SLC12A3: variants seen among roughly 807,000 people sequenced by gnomAD.
The protein encoded by SLC12A3 is Na-Cl cotransporter.
A neutral mutation model predicts 121.0 loss-of-function variants in SLC12A3; 104 were observed. The ratio of observed to expected loss-of-function variants is 0.86; its 90% CI spans 0.73 to 1.01. The LOEUF (loss-of-function observed/expected upper bound fraction) is 1.01. Ranked by LOEUF, SLC12A3 falls within the 50% of genes least tolerant of loss-of-function variation. SLC12A3 has a pLI of 0.00. For synonymous variants in SLC12A3, 536 were observed against 533.4 expected, an observed-to-expected ratio of 1.00 and a Z score of -0.07; for missense variants, 1,328 against 1,356.3, an observed-to-expected ratio of 0.98 and a Z score of 0.33.
At chr16:56,889,610 A>G (rs1410664628) in intron 18 of SLC12A3, among the ~76,000 whole-genome samples, 1 of 152,142 alleles carries the variant, frequency 6.6e-6, no homozygotes, top group Non-Finnish European at 1.5e-5. Flanking sequence ...AGTAGCTGTG[A>G]TTACAGGTGC....
chr16:56,886,033 T>C (rs1396738698), intron 15 of SLC12A3, among the ~76,000 whole-genome samples: 1 of 152,286 alleles, frequency 6.6e-6, no homozygotes, highest in East Asian at 1.9e-4. Context: ...CCCGGGTAAC[T>C]GATGAGTTTG....
chr16:56,890,122 T>C, intron 18 of SLC12A3, 152 bp from the exon 19 acceptor site: 1 of 702,632 alleles, frequency 1.4e-6, no homozygotes, highest in Non-Finnish European at 2.6e-6. Context: ...ATTCTGCCTG[T>C]ACAGGATACA....
chr16:56,879,600 C>T lies in SLC12A3; in HGVS notation c.1394C>T (p.Thr465Ile), dbSNP rs745526549. Reference sequence around the variant, plus strand: ...ATCACGGCTGGCATCTTCGGGGCCACCCTCTCCTCTGCCCTGGCCTGCCTT... The same window carrying T: ...ATCACGGCTGGCATCTTCGGGGCCATCCTCTCCTCTGCCCTGGCCTGCCTT... Reference protein sequence around the residue: ...PLITAGIFGATLSSALACLVS... With the variant: ...PLITAGIFGAILSSALACLVS... The change falls in exon 11 of 26, where the codon ACC becomes ATC. Residue 465 changes from threonine (T) to isoleucine (I), a missense_variant. By Grantham distance (89) the Thr-to-Ile change is moderately conservative. Coordinates refer to ENST00000563236, the MANE Select transcript of SLC12A3 (RefSeq NM_001126108.2). 1 of 1,613,666 alleles carries T rather than the reference C, an allele frequency of 6.2e-7. No individual in the cohort carries two copies. Among genetic ancestry groups the T allele is most frequent in the Non-Finnish European group, 8.5e-7 (1 of 1,180,004 alleles).
intron 23 of SLC12A3, among the ~76,000 whole-genome samples, chr16:56,899,891 C>A (rs1429734044): frequency 6.6e-6 from 1 of 152,222 alleles, no homozygotes; most frequent in East Asian, 1.9e-4. Context: ...GTGACCTGGG[C>A]AACAACTTCC....
In SLC12A3 at chr16:56,865,432, C is replaced by T. The variant is rs1471113776; in HGVS notation, c.197C>T (p.Thr66Ile). 2.0e-5 allele frequency: 32 copies of T among 1,614,092 alleles called. No individual in the cohort carries two copies. Among genetic ancestry groups the T allele is most frequent in the Non-Finnish European group, 2.7e-5 (32 of 1,180,052 alleles). The change falls in exon 1 of 26, where the codon ACA becomes ATA. Residue 66 changes from threonine to isoleucine, a missense_variant. Thr to Ile is a moderately conservative substitution (Grantham distance 89). Coordinates refer to ENST00000563236, the MANE Select transcript of SLC12A3 (RefSeq NM_001126108.2). The stretch of plus-strand genomic sequence containing the variant: ...TACAACACGATCGATGTGGTGCCCA[C>T]ATATGAGCACTATGCCAACAGCACC... The part of the protein sequence containing the change: ...FGYNTIDVVP[T>I]YEHYANSTQP...
chr16:56,886,913 G>A (rs746111611), intron 16 of SLC12A3, 40 bp from the exon 17 acceptor site: 3 of 1,612,480 alleles, frequency 1.9e-6, no homozygotes, highest in Non-Finnish European at 2.5e-6. Flanking sequence ...GCTGGAGGGT[G>A]AAGGCAGCTG....
rs368588061 is a variant in SLC12A3, at chr16:56,875,048, C to T, written c.1095+2262C>T. On this transcript the variant is annotated intron_variant, in intron 8 of 25. Coordinates refer to ENST00000563236, the MANE Select transcript of SLC12A3 (RefSeq NM_001126108.2). ...TGGATTCCATGCAGTCTCATTAGAT[C>T]GTTGCCTGGGAATTTATCTCGATGC... 2.8e-4 allele frequency among the ~76,000 whole-genome samples: 43 copies of T among 152,268 alleles called. 2 individuals are homozygous for T. Among genetic ancestry groups the T allele is most frequent in the East Asian group, 2.1e-3 (11 of 5,184 alleles).
In SLC12A3 at chr16:56,908,283, C is replaced by G. The variant is rs143785417; in HGVS notation, c.2924+3821C>G. Reference sequence around the variant, plus strand: ...TCAAGTGATTCTCCTGCCTCAGCCTCCTGAATATCACCACCTCGCCCGGCT... The same window carrying G: ...TCAAGTGATTCTCCTGCCTCAGCCTGCTGAATATCACCACCTCGCCCGGCT... On this transcript the variant is annotated intron_variant, in intron 25 of 25. Transcript: ENST00000563236. 8.6e-5 allele frequency among the ~76,000 whole-genome samples: 13 copies of G among 150,738 alleles called. No individual in the cohort carries two copies. In the East Asian group the frequency reaches 2.5e-3, roughly 29 times the overall value.
At chr16:56,887,828 C>A (rs2055338721) in intron 17 of SLC12A3, 97 bp from the exon 18 acceptor site, 1 of 335,070 alleles carries the variant, frequency 3.0e-6, no homozygotes, top group East Asian at 4.6e-5. Flanking sequence ...TGAGAATCAG[C>A]ACATCTGGAG....
intron 14 of SLC12A3, 29 bp from the exon 15 acceptor site, chr16:56,885,236 T>A (rs1377580190): frequency 7.6e-7 from 1 of 1,310,378 alleles, no homozygotes; most frequent in Non-Finnish European, 1.1e-6. Context: ...AACTCTGCTC[T>A]CACCCCCGTT....
chr16:56,865,291 G>A lies in SLC12A3; in HGVS notation c.56G>A (p.Arg19His), dbSNP rs776593495. ...TPGDATLCSGRFTISTLLSSD... is the reference protein window; with the variant it reads ...TPGDATLCSGHFTISTLLSSD... ...GGGGACGCCACTTTGTGCAGCGGGC[G>A]CTTCACCATCAGCACACTGCTGAGC... The change falls in exon 1 of 26, where the codon CGC (arginine) becomes CAC (histidine). Residue 19 changes from arginine (R) to histidine (H), a missense_variant. Physicochemically the swap from Arg to His is conservative, Grantham distance 29 (BLOSUM62 0). Transcript: ENST00000563236. The A allele has an allele frequency of 1.2e-5, 20 of 1,613,848 alleles. No homozygotes were observed. The highest frequency in any genetic ancestry group is 2.2e-5 in the East Asian group (1 of 44,894).
At chr16:56,891,506 T>A (rs2055388723) in intron 19 of SLC12A3, among the ~76,000 whole-genome samples, 1 of 151,980 alleles carries the variant, frequency 6.6e-6, no homozygotes, top group Non-Finnish European at 1.5e-5. Flanking sequence ...GCTGGGTCCG[T>A]TCATTTGTGC....
chr16:56,876,361 A>C (rs1282517725), intron 8 of SLC12A3, among the ~76,000 whole-genome samples: 1 of 152,170 alleles, frequency 6.6e-6, no homozygotes, highest in Non-Finnish European at 1.5e-5. Flanking sequence ...AATCCACTAG[A>C]GGCAGGGTGG....
chr16:56,901,845 C>T (rs990865883), intron 23 of SLC12A3, among the ~76,000 whole-genome samples: 2 of 152,212 alleles, frequency 1.3e-5, no homozygotes, highest in East Asian at 1.9e-4. Flanking sequence ...GAGCCAAACA[C>T]GCTCTGCCTC....
chr16:56,870,431 T>C (rs1423522391), intron 5 of SLC12A3, among the ~76,000 whole-genome samples, 195 bp from the exon 6 acceptor site: 1 of 152,180 alleles, frequency 6.6e-6, no homozygotes, highest in South Asian at 2.1e-4. Context: ...CCTTTGGGGG[T>C]GTGTGTGGCC....
At chr16:56,867,279 C>A in intron 2 of SLC12A3, 63 bp downstream of exon 2, 1 of 1,518,870 alleles carries the variant, frequency 6.6e-7, no homozygotes, top group Non-Finnish European at 8.9e-7. Flanking sequence ...GAGCTCCATC[C>A]AGGCTCAGCT....
intron 11 of SLC12A3, 110 bp from the exon 12 acceptor site, chr16:56,880,020 G>A (rs1324862643): frequency 2.2e-6 from 3 of 1,373,790 alleles, no homozygotes; most frequent in Non-Finnish European, 3.0e-6. Flanking sequence ...CAGGACCCAG[G>A]TTGGGGAGGT....
Position 56,870,879 on chromosome 16 carries a change from T to C in SLC12A3, c.852+143T>C. On this transcript the variant is annotated intron_variant, in intron 6 of 25. Coordinates refer to ENST00000563236, the MANE Select transcript of SLC12A3 (RefSeq NM_001126108.2). Reference sequence around the variant, plus strand: ...GAGACAGAATCTCGCTCGATGTCCATGCTGGAGTGCAGTGGTACCATCTCG... The same window carrying C: ...GAGACAGAATCTCGCTCGATGTCCACGCTGGAGTGCAGTGGTACCATCTCG... 4.9e-6 allele frequency: 3 copies of C among 606,762 alleles called. 1 individual carries two copies. In the South Asian group the frequency reaches 5.9e-5, roughly 12 times the overall value. The allele number at this position is 606,762 out of a possible 1,614,324, so 37.6% of individuals were successfully genotyped here. A position where few individuals can be genotyped will look rare whatever the true frequency, so the allele number is the denominator to read the frequency against.
chr16:56,887,127 AC>A (rs1396773205), intron 17 of SLC12A3, 34 bp downstream of exon 17: 1 of 1,613,448 alleles, frequency 6.2e-7, no homozygotes. Flanking sequence ...TACAGGACTT[AC>A]GGCTTGGTGG....
Sources: gnomAD v4.1 joint callset for allele counts (sites outside exome capture counted in the v4.1 genomes callset) on GRCh38, gnomAD v4.1.1 for gene constraint, MANE v1.5 for transcripts, NCBI Gene and HGNC (gene_info 2026-07-23, HGNC 2026-07-21) for gene names.